The following PHYHIPL variants were observed in gnomAD, a reference collection of about 807,000 sequenced individuals.
The protein encoded by PHYHIPL is phytanoyl-CoA hydroxylase-interacting protein-like.
Under a neutral mutation model 33.4 loss-of-function variants are expected in PHYHIPL, and 9 were observed. The ratio of observed to expected loss-of-function variants is 0.27; its 90% CI spans 0.16 to 0.47. The LOEUF (loss-of-function observed/expected upper bound fraction) is 0.47. Ranked by LOEUF, PHYHIPL falls within the 20% of genes least tolerant of loss-of-function variation. PHYHIPL has a pLI of 0.99. For synonymous variants in PHYHIPL, 153 were observed against 154.1 expected (o/e 0.99, Z 0.05); for missense variants, 365 against 460.7 (o/e 0.79, Z 1.90).
intron 1 of PHYHIPL, among the ~76,000 whole-genome samples, chr10:59,186,064 G>A (rs7100877): frequency 0.046 from 7,016 of 152,222 alleles, 453 homozygotes; most frequent in African/African-American, 0.14. Context: ...GAATGGTATT[G>A]CCTGGGTTTT....
chr10:59,176,979 C>G lies in PHYHIPL; in HGVS notation c.106+20C>G. On this transcript the variant is annotated intron_variant, in intron 1 of 4. Transcript: ENST00000373880. ...GGGACGGTAAGAGCGGCCGGGACCGCGAGGAAAGGGACAGAGTTCGCGCCG... is the reference window on the plus strand; with the variant it reads ...GGGACGGTAAGAGCGGCCGGGACCGGGAGGAAAGGGACAGAGTTCGCGCCG... 6.2e-7 allele frequency: 1 copy of G among 1,606,128 alleles called. No individual in the cohort carries two copies. The highest frequency in any genetic ancestry group is 1.1e-5 in the South Asian group (1 of 90,386).
chr10:59,203,881 C>T lies in PHYHIPL; in HGVS notation c.106+26922C>T, dbSNP rs537474347. On this transcript the variant is annotated intron_variant, in intron 1 of 4. Transcript: ENST00000373880. ...TGCATACATATGTAGGAAACCAGCACGTTGTGCACATGTACCCTAGAACTT... is the reference window on the plus strand; with the variant it reads ...TGCATACATATGTAGGAAACCAGCATGTTGTGCACATGTACCCTAGAACTT... 3.9e-5 allele frequency among the ~76,000 whole-genome samples: 6 copies of T among 152,092 alleles called. No homozygotes were observed. In the South Asian group the frequency reaches 8.3e-4, roughly 21 times the overall value.
intron 1 of PHYHIPL, among the ~76,000 whole-genome samples, chr10:59,201,694 A>T (rs909428043): frequency 2.6e-5 from 4 of 152,146 alleles, no homozygotes; most frequent in African/African-American, 9.6e-5. Context: ...TCAGAGTGTA[A>T]TGAATCCTTC....
At chr10:59,184,727 C>T (rs1838519152) in intron 1 of PHYHIPL, among the ~76,000 whole-genome samples, 1 of 151,608 alleles carries the variant, frequency 6.6e-6, no homozygotes, top group South Asian at 2.1e-4. Flanking sequence ...ATACATGTGC[C>T]ATGTTGGTGT....
chr10:59,227,874 G>T (rs1361140534), intron 1 of PHYHIPL, among the ~76,000 whole-genome samples: 5 of 151,630 alleles, frequency 3.3e-5, no homozygotes, highest in African/African-American at 1.2e-4. Flanking sequence ...TACAGGTTTT[G>T]ATCTGTTTTG....
intron 1 of PHYHIPL, among the ~76,000 whole-genome samples, chr10:59,199,713 G>A (rs539478648): frequency 2.8e-4 from 42 of 152,218 alleles, no homozygotes; most frequent in Middle Eastern, 6.8e-3. Flanking sequence ...CCGTTTGTTT[G>A]TATCCTCTTT....
intron 1 of PHYHIPL, among the ~76,000 whole-genome samples, chr10:59,214,922 A>G (rs1451055154): frequency 1.3e-5 from 2 of 152,076 alleles, no homozygotes; most frequent in African/African-American, 4.8e-5. Context: ...ATATATACAT[A>G]GAACATTCTA....
intron 1 of PHYHIPL, among the ~76,000 whole-genome samples, chr10:59,184,443 A>T (rs1838506922): frequency 6.6e-6 from 1 of 152,162 alleles, no homozygotes; most frequent in Non-Finnish European, 1.5e-5. Flanking sequence ...TTTTTGGGAA[A>T]AAACTGTGTA....
chr10:59,228,399 T>A (rs1417364412), intron 1 of PHYHIPL, among the ~76,000 whole-genome samples: 1 of 152,134 alleles, frequency 6.6e-6, no homozygotes, highest in Non-Finnish European at 1.5e-5. Context: ...ATTTTGAGAG[T>A]TTATTGTAAA....
At chr10:59,213,913 G>C (rs1445750290) in intron 1 of PHYHIPL, among the ~76,000 whole-genome samples, 1 of 152,116 alleles carries the variant, frequency 6.6e-6, no homozygotes. Context: ...ACGACCACTA[G>C]TGGCATTGTC....
chr10:59,179,809 C>G (rs976425452), intron 1 of PHYHIPL, among the ~76,000 whole-genome samples: 73 of 149,974 alleles, frequency 4.9e-4, no homozygotes, highest in African/African-American at 1.8e-3. Flanking sequence ...TCCACATGGT[C>G]ATATAATTGG....
intron 1 of PHYHIPL, among the ~76,000 whole-genome samples, chr10:59,209,795 C>G (rs577469718): frequency 8.1e-4 from 123 of 152,228 alleles, no homozygotes; most frequent in African/African-American, 2.8e-3. Context: ...CTTTGACAAA[C>G]CTGACAAAAA....
intron 1 of PHYHIPL, among the ~76,000 whole-genome samples, chr10:59,195,911 T>G (rs796787624): frequency 7.2e-5 from 11 of 152,272 alleles, no homozygotes; most frequent in African/African-American, 2.4e-4. Flanking sequence ...TAATAGAACT[T>G]TTGTTAATGT....
At position 59,176,863 on chromosome 10, in the gene PHYHIPL, C is replaced by G; in HGVS notation, c.10C>G (p.Pro4Ala). 6.2e-7 allele frequency: 1 copy of G among 1,612,236 alleles called. No individual in the cohort carries two copies. The highest frequency in any genetic ancestry group is 2.2e-5 in the East Asian group (1 of 44,684). Residue 4 changes from proline to alanine, a missense_variant, in exon 1 of 5, where the codon CCG (proline) becomes GCG (alanine). Coordinates refer to ENST00000373880, the MANE Select transcript of PHYHIPL (RefSeq NM_032439.4). ...AGAGTGGGTTGGAAAAATGGAGGTG[C>G]CGCGCCTGGATCATGCCCTCAACAG... MEV[P>A]RLDHALNSPT... is the part of the protein sequence containing the mutation.
In PHYHIPL at chr10:59,247,683, C is replaced by T. The variant is rs778118373; in HGVS notation, c.*2092C>T. 1 of 1,613,410 alleles carries T rather than the reference C, an allele frequency of 6.2e-7. No individual in the cohort carries two copies. The highest frequency in any genetic ancestry group is 1.7e-5 in the Admixed American group (1 of 59,986). On this transcript the variant is annotated 3_prime_UTR_variant, in exon 5 of 5. Coordinates refer to ENST00000373880, the MANE Select transcript of PHYHIPL (RefSeq NM_032439.4). ...ATAGTCTCAGTTTGGCTTTTATGTG[C>T]TTATATTCATAATACTCATCTGCCA...
In PHYHIPL at chr10:59,218,920, A is replaced by T. The variant is rs201185101; in HGVS notation, c.107-15384A>T. On this transcript the variant is annotated intron_variant, in intron 1 of 4. Transcript: ENST00000373880. ...TTATGTGCACAATTTATTCTTTTTT[A>T]TTTTTATTTTATTTTATTTATTTTT... 2.0e-3 allele frequency among the ~76,000 whole-genome samples: 309 copies of T among 151,848 alleles called. 1 individual carries two copies. The highest frequency in any genetic ancestry group is 6.0e-3 in the East Asian group (31 of 5,170).
intron 4 of PHYHIPL, among the ~76,000 whole-genome samples, chr10:59,241,160 A>G (rs978982595): frequency 2.0e-5 from 3 of 152,112 alleles, no homozygotes; most frequent in African/African-American, 7.2e-5. Flanking sequence ...CATAAATTCC[A>G]TGGATGTTGA....
chr10:59,232,753 T>A (rs1840115556), intron 1 of PHYHIPL, among the ~76,000 whole-genome samples: 1 of 140,886 alleles, frequency 7.1e-6, no homozygotes, highest in South Asian at 2.3e-4. Flanking sequence ...TCTACAAAAA[T>A]TCTACTATCA....
intron 1 of PHYHIPL, 195 bp downstream of exon 1, chr10:59,177,154 G>A (rs1027289893): frequency 5.0e-6 from 3 of 604,466 alleles, no homozygotes; most frequent in Non-Finnish European, 8.4e-6. Flanking sequence ...CCCGGGGCTC[G>A]CGCCTTGGCG....
Sources: allele counts gnomAD v4.1 joint callset (sites outside exome capture counted in the v4.1 genomes callset), GRCh38; gene constraint gnomAD v4.1.1; transcripts MANE v1.5; gene names NCBI Gene and HGNC (gene_info 2026-07-23, HGNC 2026-07-21).